Variants in TXNL1 observed in about 807,000 individuals in gnomAD.
TXNL1 encodes thioredoxin like 1.
TXNL1 carries 14 observed loss-of-function variants against 35.5 expected under a neutral mutation model. That is an observed-to-expected ratio of 0.39 (90% CI 0.26 to 0.62). The LOEUF (loss-of-function observed/expected upper bound fraction) is 0.62, where lower values mean the gene tolerates loss of function less well. Ranked by LOEUF, TXNL1 falls within the 20% of genes least tolerant of loss-of-function variation. TXNL1 has a pLI of 0.47. For synonymous variants in TXNL1, 110 were observed against 115.5 expected (o/e 0.95, Z 0.31); for missense variants, 263 against 349.7 (o/e 0.75, Z 1.98).
chr18:56,604,003 A>G (rs1440018789), intron 7 of TXNL1, among the ~76,000 whole-genome samples: 7 of 152,192 alleles, frequency 4.6e-5, no homozygotes, highest in Non-Finnish European at 8.8e-5. Flanking sequence ...GGTCTAAAAT[A>G]TAACATAGCT....
Position 56,626,418 on chromosome 18 carries a change from A to G in TXNL1, c.138T>C (p.Ser46=). ...PCLRIAPAFS[S]MSNKYPQAVF... ...CAGCCTGTGGATATTTATTACTCAT[A>G]GAACTGAATGCTGGGGCAATCCTCA... The change falls in exon 2 of 8, where the codon TCT becomes TCC. Residue 46 remains serine (S), a synonymous_variant. Transcript: ENST00000217515. 6.2e-7 allele frequency: 1 copy of G among 1,613,844 alleles called. No individual in the cohort carries two copies. The highest frequency in any genetic ancestry group is 8.5e-7 in the Non-Finnish European group (1 of 1,179,846).
intron 1 of TXNL1, among the ~76,000 whole-genome samples, chr18:56,635,381 C>T (rs2024440432): frequency 2.0e-5 from 3 of 152,126 alleles, no homozygotes; most frequent in Admixed American, 6.5e-5. Context: ...AAAAAATGAA[C>T]AGGTATACAA....
In TXNL1 at chr18:56,599,228, A is replaced by G. The variant is rs1188973683; in HGVS notation, c.*3799T>C. The G allele has an allele frequency of 6.6e-6, 1 of 151,826 alleles. No individual in the cohort carries two copies. The highest frequency in any genetic ancestry group is 1.5e-5 in the Non-Finnish European group (1 of 67,982). 9.4% of individuals were successfully genotyped at this position (151,826 alleles called of 1,614,324 possible). On this transcript the variant is annotated 3_prime_UTR_variant, in exon 8 of 8. Transcript: ENST00000217515. ...GACCACAAAGTTTAAAAGCGATCTT[A>G]TTAGCCTACAAATCTCCACTGTCCT...
chr18:56,614,364 C>T (rs1040943640), intron 6 of TXNL1, 60 bp downstream of exon 6: 2 of 1,466,174 alleles, frequency 1.4e-6, no homozygotes, highest in Non-Finnish European at 1.9e-6. Flanking sequence ...ACCTAGGATA[C>T]TGAAAATAGT....
rs1027208693 is a variant in TXNL1 at position 56,599,421 on chromosome 18, G to A, written c.*3606C>T. On this transcript the variant is annotated 3_prime_UTR_variant, in exon 8 of 8. Transcript: ENST00000217515. The stretch of plus-strand genomic sequence containing the variant: ...TTTAAAATTTATTTACTATATGCAT[G>A]TTATATATACTTGCTTTATGTGTAT... 2 of 152,002 alleles carry A rather than the reference G, an allele frequency of 1.3e-5. No homozygotes were observed. The highest frequency in any genetic ancestry group is 2.9e-5 in the Non-Finnish European group (2 of 68,012). The allele number at this position is 152,002 out of a possible 1,614,324, so 9.4% of individuals were successfully genotyped here.
chr18:56,602,878 T>C lies in TXNL1; in HGVS notation c.*149A>G. 1.2e-6 allele frequency: 1 copy of C among 856,424 alleles called. No homozygotes were observed. The highest frequency in any genetic ancestry group is 1.6e-5 in the South Asian group (1 of 64,046). The allele number at this position is 856,424 out of a possible 1,614,324, so 53.1% of individuals were successfully genotyped here. ...ACAATTGCATGTGTCAAGATTACAATGGAAACACTAGTGATACCATCTGAA... is the reference window on the plus strand; with the variant it reads ...ACAATTGCATGTGTCAAGATTACAACGGAAACACTAGTGATACCATCTGAA... On this transcript the variant is annotated 3_prime_UTR_variant, in exon 8 of 8. Coordinates refer to ENST00000217515, the MANE Select transcript of TXNL1 (RefSeq NM_004786.3).
intron 1 of TXNL1, among the ~76,000 whole-genome samples, chr18:56,628,478 T>A (rs1328505261): frequency 6.6e-6 from 1 of 152,166 alleles, no homozygotes; most frequent in East Asian, 1.9e-4. Flanking sequence ...AGTTATACAA[T>A]GAAATACTAC....
At chr18:56,622,731 A>G (rs2024209158) in intron 3 of TXNL1, among the ~76,000 whole-genome samples, 1 of 152,184 alleles carries the variant, frequency 6.6e-6, no homozygotes, top group East Asian at 1.9e-4. Context: ...TGTGTTCCTA[A>G]GACTTTTTAA....
At chr18:56,611,756 C>T (rs142396786) in intron 6 of TXNL1, among the ~76,000 whole-genome samples, 17 of 151,378 alleles carry the variant, frequency 1.1e-4, no homozygotes, top group South Asian at 4.2e-4. Flanking sequence ...TGCAATGGCA[C>T]GATCTCGACT....
At chr18:56,617,518 T>C (rs2024109302) in intron 4 of TXNL1, among the ~76,000 whole-genome samples, 1 of 152,154 alleles carries the variant, frequency 6.6e-6, no homozygotes, top group Admixed American at 6.6e-5. Context: ...ACAGCCAAAA[T>C]GAAGATTTAA....
chr18:56,631,038 A>G (rs904594184), intron 1 of TXNL1, among the ~76,000 whole-genome samples: 3 of 151,410 alleles, frequency 2.0e-5, no homozygotes, highest in Non-Finnish European at 2.9e-5. Flanking sequence ...GTGCCACCAT[A>G]CCCTGCCAAT....
At chr18:56,614,966 C>T (rs1598915388) in intron 5 of TXNL1, among the ~76,000 whole-genome samples, 1 of 152,106 alleles carries the variant, frequency 6.6e-6, no homozygotes, top group East Asian at 1.9e-4. Context: ...ACAATATATG[C>T]AGGTTAACAA....
chr18:56,638,417 C>A lies in TXNL1; in HGVS notation c.24G>T (p.Gly8=). 1.2e-6 allele frequency: 2 copies of A among 1,613,508 alleles called. No individual in the cohort carries two copies. Among genetic ancestry groups the A allele is most frequent in the Non-Finnish European group, 1.7e-6 (2 of 1,179,730 alleles). ...GCTCTGGCTGGAAATCCGGGTCGCT[C>A]CCGACGGGCTTCACCCCCACCATCC... is the stretch of plus-strand genomic sequence containing the variant. MVGVKPV[G]SDPDFQPELS... is the part of the protein sequence containing the mutation. Residue 8 remains glycine, a synonymous_variant, in exon 1 of 8, where the codon GGG becomes GGT. Transcript: ENST00000217515.
intron 1 of TXNL1, among the ~76,000 whole-genome samples, chr18:56,630,657 G>T (rs960928880): frequency 2.0e-5 from 3 of 152,146 alleles, no homozygotes; most frequent in Non-Finnish European, 4.4e-5. Flanking sequence ...TGGTGTTACA[G>T]ACACACATCT....
intron 1 of TXNL1, among the ~76,000 whole-genome samples, chr18:56,635,776 T>G (rs376967063): frequency 3.7e-4 from 57 of 152,232 alleles, no homozygotes; most frequent in African/African-American, 1.1e-3. Context: ...ATCTGGGGGA[T>G]TAGTTTCAGG....
chr18:56,631,706 G>A (rs997896061), intron 1 of TXNL1, among the ~76,000 whole-genome samples: 5 of 152,132 alleles, frequency 3.3e-5, no homozygotes, highest in Admixed American at 1.3e-4. Flanking sequence ...GATCACCTGA[G>A]GTCAGGAGTT....
In TXNL1 at chr18:56,601,139, T is replaced by C. The variant is rs1454348843; in HGVS notation, c.*1888A>G. 6.6e-6 allele frequency: 1 copy of C among 152,158 alleles called. No individual in the cohort carries two copies. The highest frequency in any genetic ancestry group is 1.9e-4 in the East Asian group (1 of 5,194). 9.4% of individuals were successfully genotyped at this position (152,158 alleles called of 1,614,324 possible). A position where few individuals can be genotyped will look rare whatever the true frequency, so the allele number is the denominator to read the frequency against. ...TATGTGTGTATATATATATACTGTT[T>C]TAGGAGAAAACAGCATTTCAGTTTG... On this transcript the variant is annotated 3_prime_UTR_variant, in exon 8 of 8. Coordinates refer to ENST00000217515, the MANE Select transcript of TXNL1 (RefSeq NM_004786.3).
chr18:56,634,920 T>A (rs1385162184), intron 1 of TXNL1, among the ~76,000 whole-genome samples: 1 of 152,072 alleles, frequency 6.6e-6, no homozygotes. Context: ...CCGGCATATA[T>A]AAAGAACTCC....
intron 7 of TXNL1, among the ~76,000 whole-genome samples, chr18:56,604,793 C>A (rs1161730293): frequency 1.3e-5 from 2 of 152,134 alleles, no homozygotes; most frequent in Non-Finnish European, 2.9e-5. Flanking sequence ...AGAAAACCAA[C>A]ACCCCTCAAC....
Sources: gnomAD v4.1 joint callset for allele counts (sites outside exome capture counted in the v4.1 genomes callset) on GRCh38, gnomAD v4.1.1 for gene constraint, MANE v1.5 for transcripts, NCBI Gene and HGNC (gene_info 2026-07-23, HGNC 2026-07-21) for gene names.